ARID5B: variants seen among roughly 807,000 people sequenced by gnomAD.
The protein encoded by ARID5B is AT-rich interactive domain-containing protein 5B.
Under a neutral mutation model 97.2 loss-of-function variants are expected in ARID5B, and 13 were observed. The observed-to-expected ratio is 0.13, with a 90% CI of 0.09 to 0.21. The LOEUF is 0.21. Among genes scored for constraint, ARID5B ranks in the 10% least tolerant of loss-of-function variants. ARID5B has a pLI of 1.00. For synonymous variants in ARID5B, 556 were observed against 570.3 expected (o/e 0.97, Z 0.36); for missense variants, 1,210 against 1,465.3 (o/e 0.83, Z 2.84).
intron 3 of ARID5B, among the ~76,000 whole-genome samples, chr10:61,979,593 C>A (rs1554841969): frequency 1.3e-5 from 2 of 152,116 alleles, no homozygotes; most frequent in Non-Finnish European, 2.9e-5. Context: ...TGCAGAACAC[C>A]ACTGCCAGGA....
intron 2 of ARID5B, among the ~76,000 whole-genome samples, chr10:61,934,300 G>C (rs1266070586): frequency 1.3e-5 from 2 of 152,204 alleles, no homozygotes; most frequent in Admixed American, 1.3e-4. Flanking sequence ...CATATCAGCA[G>C]TAAGTCTGTT....
chr10:62,003,217 A>C (rs925384476), intron 4 of ARID5B, among the ~76,000 whole-genome samples: 2 of 152,210 alleles, frequency 1.3e-5, no homozygotes, highest in Non-Finnish European at 2.9e-5. Flanking sequence ...AGAATTTAAA[A>C]TCTAATTGGG....
At chr10:61,920,647 C>T (rs950534503) in intron 2 of ARID5B, among the ~76,000 whole-genome samples, 1 of 152,032 alleles carries the variant, frequency 6.6e-6, no homozygotes, top group Non-Finnish European at 1.5e-5. Context: ...GAAGATGGGG[C>T]TTGGAATTCT....
At chr10:62,070,675 A>G (rs1214254813) in intron 8 of ARID5B, among the ~76,000 whole-genome samples, 1 of 152,186 alleles carries the variant, frequency 6.6e-6, no homozygotes, top group East Asian at 1.9e-4. Flanking sequence ...TGTTTTTGTA[A>G]TAATAAATTG....
At chr10:61,986,954 G>A (rs1048010894) in intron 3 of ARID5B, among the ~76,000 whole-genome samples, 2 of 152,190 alleles carry the variant, frequency 1.3e-5, no homozygotes, top group Non-Finnish European at 2.9e-5. Context: ...GGAACCAAAG[G>A]AAGACTATAG....
At chr10:62,087,370 C>G (rs1840304873) in intron 9 of ARID5B, among the ~76,000 whole-genome samples, 1 of 145,560 alleles carries the variant, frequency 6.9e-6, no homozygotes, top group Non-Finnish European at 1.5e-5. Flanking sequence ...TGAAATGGTT[C>G]CTATGAAACC....
chr10:62,023,170 G>A (rs1171931130), intron 4 of ARID5B, among the ~76,000 whole-genome samples: 4 of 152,220 alleles, frequency 2.6e-5, no homozygotes, highest in Non-Finnish European at 1.5e-5. Flanking sequence ...GTTCATTAAA[G>A]TAACACTTCT....
rs1271994691 is a variant in ARID5B, at chr10:62,091,873, C to T, written c.2410C>T (p.Gln804Ter). 6.2e-7 allele frequency: 1 copy of T among 1,614,106 alleles called. No homozygotes were observed. The highest frequency in any genetic ancestry group is 1.7e-5 in the Admixed American group (1 of 60,020). The change falls in exon 10 of 10, where the codon CAA becomes TAA. Residue 804 changes from glutamine to a stop codon, truncating the protein, a stop_gained. Transcript: ENST00000279873. LOFTEE classifies it high-confidence loss of function. The stretch of plus-strand genomic sequence containing the variant: ...CCTTGCTGACTCCTACGTCCTGAAG[C>T]AAGAAATTCAGGAGGGCAAGGATAA... ...NPLADSYVLK[Q>*]EIQEGKDKLL... is the part of the protein sequence containing the mutation.
At position 62,085,697 on chromosome 10, in the gene ARID5B, T is replaced by G. The variant is rs371240303; in HGVS notation, c.1200-5T>G. On this transcript the variant is annotated splice_region_variant and splice_polypyrimidine_tract_variant and intron_variant, in intron 8 of 9. Transcript: ENST00000279873. ...GACCGATCATCTCTTCTGTTAACCT[T>G]TTAGATTAATCCTACCATATGAAAG... 1.3e-5 allele frequency: 20 copies of G among 1,599,824 alleles called. No individual in the cohort carries two copies. The highest frequency in any genetic ancestry group is 3.5e-5 in the Admixed American group (2 of 56,414).
chr10:61,901,797 CCACACCTCTG>C, intron 1 of ARID5B, 67 bp downstream of exon 1: 1 of 1,405,808 alleles, frequency 7.1e-7, no homozygotes, highest in South Asian at 1.2e-5. Flanking sequence ...CCCAGCTCAC[CCACACCTCTG>C]CACCCACCCA....
Position 62,086,723 on chromosome 10 carries a change from G to C in ARID5B, c.1398+823G>C, listed in dbSNP as rs547658181. Among the ~76,000 whole-genome samples, 81 of 147,566 alleles carry C rather than the reference G, an allele frequency of 5.5e-4. 1 individual carries two copies. Among genetic ancestry groups the C allele is most frequent in the African/African-American group, 2.0e-3 (81 of 40,298 alleles). On this transcript the variant is annotated intron_variant, in intron 9 of 9. Coordinates refer to ENST00000279873, the MANE Select transcript of ARID5B (RefSeq NM_032199.3). ...AAAAAAAAAAAAAAATATCAGGCAT[G>C]GTGGTGCCCCGCTGTGGTCCCAGCT...
chr10:62,041,437 A>C (rs1839636296), intron 4 of ARID5B, among the ~76,000 whole-genome samples: 1 of 152,224 alleles, frequency 6.6e-6, no homozygotes, highest in African/African-American at 2.4e-5. Flanking sequence ...TTTTAAGTAA[A>C]AGACTATCCT....
Position 62,049,270 on chromosome 10 carries a change from C to CGGTGCTAG in ARID5B, c.734-1617_734-1610dup, listed in dbSNP as rs1311850848. The CGGTGCTAG allele has an allele frequency of 1.1e-5, 15 of 1,421,150 alleles. No homozygotes were observed. The African/African-American group carries it at 2.2e-4, about 21-fold the overall frequency. 88.0% of individuals were successfully genotyped at this position (1,421,150 alleles called of 1,614,324 possible). ...AGTCCTCAGGCTCATCCCACACACT[C>CGGTGCTAG]GGTGCTAGTCACTGCTGTGTGTTTA... On this transcript the variant is annotated intron_variant, in intron 4 of 9. Transcript: ENST00000279873.
chr10:61,981,830 G>A lies in ARID5B; in HGVS notation c.503-18261G>A, dbSNP rs1838781065. ...TACATTATGTTGGTCATCCAAGGAT[G>A]CATTAAGCAGAAAAGAAACACCTCA... On this transcript the variant is annotated intron_variant, in intron 3 of 9. Transcript: ENST00000279873. Among the ~76,000 whole-genome samples, 3 of 152,168 alleles carry A rather than the reference G, an allele frequency of 2.0e-5. No individual in the cohort carries two copies. In the South Asian group the frequency reaches 6.2e-4, roughly 31 times the overall value.
chr10:62,037,748 C>T (rs1035017503), intron 4 of ARID5B, among the ~76,000 whole-genome samples: 4 of 152,138 alleles, frequency 2.6e-5, no homozygotes, highest in Non-Finnish European at 5.9e-5. Context: ...TCAGCTTGCA[C>T]AATAGTACAA....
In ARID5B at chr10:62,091,494, G is replaced by C; in HGVS notation, c.2031G>C (p.Leu677=). ...NENHGLNYTP[L]LYSRGNPGIM... ...ACCATGGACTTAATTACACGCCCCT[G>C]CTCTACTCTAGGGGCAACCCAGGCA... Residue 677 remains leucine, a synonymous_variant, in exon 10 of 10, where the codon CTG becomes CTC. Transcript: ENST00000279873. The C allele has an allele frequency of 6.2e-7, 1 of 1,613,448 alleles. No homozygotes were observed. Among genetic ancestry groups the C allele is most frequent in the Non-Finnish European group, 8.5e-7 (1 of 1,179,744 alleles).
intron 3 of ARID5B, among the ~76,000 whole-genome samples, chr10:61,987,131 T>C (rs1838857830): frequency 6.6e-6 from 1 of 151,822 alleles, no homozygotes; most frequent in African/African-American, 2.4e-5. Context: ...TATGACAACT[T>C]CTCACTCTTT....
At chr10:61,937,170 G>A (rs1156787446) in intron 2 of ARID5B, among the ~76,000 whole-genome samples, 1 of 151,474 alleles carries the variant, frequency 6.6e-6, no homozygotes, top group Non-Finnish European at 1.5e-5. Flanking sequence ...TGAATACAAT[G>A]CAATAGGGAG....
chr10:62,086,286 G>A (rs553523068), intron 9 of ARID5B, among the ~76,000 whole-genome samples: 1 of 152,286 alleles, frequency 6.6e-6, no homozygotes, highest in South Asian at 2.1e-4. Context: ...AGGTGCTGGT[G>A]CGACTTTAAA....
Sources: gnomAD v4.1 joint callset for allele counts (sites outside exome capture counted in the v4.1 genomes callset) on GRCh38, gnomAD v4.1.1 for gene constraint, MANE v1.5 for transcripts, NCBI Gene and HGNC (gene_info 2026-07-23, HGNC 2026-07-21) for gene names.